The following STXBP4 variants were observed in gnomAD, a reference collection of about 807,000 sequenced individuals.
STXBP4 encodes the protein syntaxin-binding protein 4.
STXBP4 carries 55 observed loss-of-function variants against 76.1 expected under a neutral mutation model. That is an observed-to-expected ratio of 0.72 (90% CI 0.58 to 0.91). The LOEUF (loss-of-function observed/expected upper bound fraction) is 0.91. Ranked by LOEUF, STXBP4 falls within the 40% of genes least tolerant of loss-of-function variation. The pLI is 0.00. For synonymous variants in STXBP4, 201 were observed against 220.2 expected (o/e 0.91, Z 0.77); for missense variants, 618 against 636.9 (o/e 0.97, Z 0.32).
At chr17:55,176,418 TG>T (rs879587578), downstream of STXBP4, among the ~76,000 whole-genome samples, 2 of 152,154 alleles carry the variant, frequency 1.3e-5, no homozygotes, top group Non-Finnish European at 2.9e-5. Flanking sequence ...AGTGATGCTG[TG>T]GGGTTCAGTG....
At chr17:55,204,240 T>C in the STXBP4 span, among the ~76,000 whole-genome samples, 2 of 152,092 alleles carry the variant, frequency 1.3e-5, no homozygotes. Flanking sequence ...GTTCTTAATT[T>C]CAGTTACTAT....
chr17:55,014,378 A>T (rs561090917), intron 8 of STXBP4, among the ~76,000 whole-genome samples: 1 of 152,108 alleles, frequency 6.6e-6, no homozygotes, highest in Non-Finnish European at 1.5e-5. Context: ...CTAACAAGGG[A>T]GTGGGGCTTT....
intron 1 of STXBP4, among the ~76,000 whole-genome samples, chr17:54,972,722 A>G (rs72628373): frequency 0.16 from 24,272 of 152,144 alleles, 2,514 homozygotes; most frequent in East Asian, 0.5. Context: ...AACTCTGAGC[A>G]CTAGAAGTGT....
At position 55,000,567 on chromosome 17, in the gene STXBP4, T is replaced by G. The variant is rs150631526; in HGVS notation, c.499-241T>G. On this transcript the variant is annotated intron_variant, in intron 6 of 17. Coordinates refer to ENST00000376352, the MANE Select transcript of STXBP4 (RefSeq NM_178509.6). ...ACTTTGTCACTTGGAGCTATAATAC[T>G]TTTAAAAGACAAGATGAGTGGCCTT... 2.1e-4 allele frequency among the ~76,000 whole-genome samples: 32 copies of G among 152,288 alleles called. No homozygotes were observed. In the East Asian group the frequency reaches 6.2e-3, roughly 29 times the overall value.
At chr17:54,995,031 A>G (rs943818181) in intron 4 of STXBP4, among the ~76,000 whole-genome samples, 2 of 151,944 alleles carry the variant, frequency 1.3e-5, no homozygotes, top group Admixed American at 1.3e-4. Flanking sequence ...ATATATTTAT[A>G]TTTATGATTG....
intron 16 of STXBP4, among the ~76,000 whole-genome samples, chr17:55,128,995 T>A (rs1218890939): frequency 6.9e-6 from 1 of 144,532 alleles, no homozygotes; most frequent in African/African-American, 2.6e-5. Flanking sequence ...AGGGGCACAA[T>A]CTTGGCTCAC....
intron 1 of STXBP4, among the ~76,000 whole-genome samples, chr17:54,974,917 G>A (rs1400070338): frequency 6.6e-6 from 1 of 152,146 alleles, no homozygotes; most frequent in Non-Finnish European, 1.5e-5. Context: ...GGATGAGTGT[G>A]GTAATTTCCA....
chr17:55,125,238 G>T (rs1289842970), intron 16 of STXBP4, among the ~76,000 whole-genome samples: 1 of 152,098 alleles, frequency 6.6e-6, no homozygotes, highest in African/African-American at 2.4e-5. Flanking sequence ...TGACATAGTG[G>T]ATGATGACTA....
the STXBP4 span, among the ~76,000 whole-genome samples, chr17:55,191,371 A>G: frequency 0.83 from 126,959 of 152,124 alleles, 53,471 homozygotes; most frequent in African/African-American, 0.93. Flanking sequence ...GCTCTGTGAC[A>G]CCAGCTGGAG....
intron 17 of STXBP4, among the ~76,000 whole-genome samples, chr17:55,142,753 A>C (rs945397699): frequency 6.6e-6 from 1 of 152,150 alleles, no homozygotes; most frequent in Non-Finnish European, 1.5e-5. Flanking sequence ...TTCATGCTGA[A>C]TTTTTTTCTT....
intron 12 of STXBP4, among the ~76,000 whole-genome samples, chr17:55,070,500 G>T (rs972110162): frequency 5.3e-5 from 8 of 152,098 alleles, no homozygotes; most frequent in Admixed American, 5.2e-4. Flanking sequence ...ATTACTTTTA[G>T]ATACAAGGAA....
rs1202769488 is a variant in STXBP4, at chr17:55,161,067, T to C, written c.*1156T>C. 2.6e-5 allele frequency: 4 copies of C among 152,226 alleles called. No individual in the cohort carries two copies. The allele number at this position is 152,226 out of a possible 1,614,324, so 9.4% of individuals were successfully genotyped here. On this transcript the variant is annotated 3_prime_UTR_variant, in exon 18 of 18. Transcript: ENST00000376352. ...TGCAGACCTAGAGGTCCTTAGAACA[T>C]AGTCTAAGAACCATTCATTGTAGCC...
chr17:55,102,340 T>C (rs897033047), intron 16 of STXBP4, among the ~76,000 whole-genome samples: 9 of 152,166 alleles, frequency 5.9e-5, no homozygotes, highest in Non-Finnish European at 8.8e-5. Flanking sequence ...TGTGTTCTCG[T>C]TGTTTAACTC....
intron 17 of STXBP4, among the ~76,000 whole-genome samples, chr17:55,145,263 G>C (rs1346907417): frequency 6.6e-6 from 1 of 152,134 alleles, no homozygotes; most frequent in Non-Finnish European, 1.5e-5. Flanking sequence ...TAGCTTTTGA[G>C]GTAAGAGTGA....
chr17:55,197,048 C>G, the STXBP4 span, among the ~76,000 whole-genome samples: 10 of 152,198 alleles, frequency 6.6e-5, no homozygotes, highest in African/African-American at 2.4e-4. Context: ...TGCTGCCACT[C>G]AGTCGTTCTT....
chr17:55,137,633 G>C (rs2080047012), intron 16 of STXBP4, among the ~76,000 whole-genome samples: 1 of 152,014 alleles, frequency 6.6e-6, no homozygotes, highest in African/African-American at 2.4e-5. Flanking sequence ...AATTTCCTGT[G>C]CCTCAGTTCT....
downstream of STXBP4, among the ~76,000 whole-genome samples, chr17:55,177,011 A>G (rs1366573630): frequency 6.6e-6 from 1 of 152,116 alleles, no homozygotes; most frequent in Non-Finnish European, 1.5e-5. Context: ...TTCTCAGGAC[A>G]TCAGACTGGG....
At chr17:55,127,086 C>T (rs1300429491) in intron 16 of STXBP4, among the ~76,000 whole-genome samples, 2 of 152,194 alleles carry the variant, frequency 1.3e-5, no homozygotes, top group East Asian at 3.8e-4. Context: ...CTACCACCAT[C>T]ATGCCCTAGA....
chr17:55,140,097 A>G (rs988643929), intron 16 of STXBP4, among the ~76,000 whole-genome samples: 1 of 152,048 alleles, frequency 6.6e-6, no homozygotes, highest in African/African-American at 2.4e-5. Context: ...TGAGCCCAGG[A>G]GTTTGAGTCT....
Sources: gnomAD v4.1 joint callset for allele counts (sites outside exome capture counted in the v4.1 genomes callset) on GRCh38, gnomAD v4.1.1 for gene constraint, MANE v1.5 for transcripts, NCBI Gene and HGNC (gene_info 2026-07-23, HGNC 2026-07-21) for gene names.